The following VTCN1 variants were observed in gnomAD, a reference collection of about 807,000 sequenced individuals.
The protein encoded by VTCN1 is V-set domain-containing T-cell activation inhibitor 1.
In VTCN1, 26 loss-of-function variants were observed where a neutral mutation model predicts 26.5. The ratio of observed to expected loss-of-function variants is 0.98; its 90% CI spans 0.72 to 1.36. The LOEUF is 1.36. Ranked by LOEUF, VTCN1 falls within the 40% of genes most tolerant of loss-of-function variation. The pLI is 0.00. For missense variants in VTCN1, 298 were observed against 337.7 expected, an observed-to-expected ratio of 0.88 and a Z score of 0.92; for synonymous variants, 116 against 130.7, an observed-to-expected ratio of 0.89 and a Z score of 0.77.
intron 1 of VTCN1, among the ~76,000 whole-genome samples, chr1:117,171,214 T>C (rs1399744247): frequency 6.6e-6 from 1 of 152,242 alleles, no homozygotes; most frequent in Non-Finnish European, 1.5e-5. Context: ...TAGTATTCTA[T>C]GGTGTATACG....
At position 117,167,722 on chromosome 1, in the gene VTCN1, A is replaced by G. The variant is rs1187199541; in HGVS notation, c.97+2385T>C. Among the ~76,000 whole-genome samples the G allele has an allele frequency of 6.6e-6, 1 of 152,138 alleles. No homozygotes were observed. The highest frequency in any genetic ancestry group is 1.5e-5 in the Non-Finnish European group (1 of 68,014). ...CTCCTTGTGAGCTGCTTTTTTAAGC[A>G]CTCACACTCCTTGTGAGCTGCTTTA... On this transcript the variant is annotated intron_variant, in intron 2 of 5. Transcript: ENST00000369458. The surrounding 1 kb of genome is among the most constrained non-coding windows in gnomAD (Gnocchi z 4.1).
chr1:117,195,262 A>AAATAATAATAATAAT (rs61710825), intron 1 of VTCN1, among the ~76,000 whole-genome samples: 5 of 142,496 alleles, frequency 3.5e-5, no homozygotes, highest in Middle Eastern at 3.8e-3. Flanking sequence ...CTCCGTCTCA[A>AAATAATAATAATAAT]AATAATAATA....
rs1222895234 is a variant in VTCN1 at position 117,145,124 on chromosome 1, C to T, written c.*147G>A. 1 of 151,902 alleles carries T rather than the reference C, an allele frequency of 6.6e-6. No individual in the cohort carries two copies. Among genetic ancestry groups the T allele is most frequent in the Non-Finnish European group, 1.5e-5 (1 of 68,000 alleles). 9.4% of individuals were successfully genotyped at this position (151,902 alleles called of 1,614,324 possible). A position where few individuals can be genotyped will look rare whatever the true frequency, so the allele number is the denominator to read the frequency against. ...TTCTGCTTTTGGCTTCTTTTTGTTT[C>T]TTGCTCTTGTTTGCTCACTCCAGAC... On this transcript the variant is annotated 3_prime_UTR_variant, in exon 6 of 6. Transcript: ENST00000369458. This position sits in a 1 kb window ranked among gnomAD's most constrained non-coding sequence, Gnocchi z 4.6.
At chr1:117,168,473 G>C (rs986413268) in intron 2 of VTCN1, among the ~76,000 whole-genome samples, 1 of 152,156 alleles carries the variant, frequency 6.6e-6, no homozygotes, top group Admixed American at 6.5e-5. Flanking sequence ...AGATAATCTA[G>C]AAGAACATCT....
intron 3 of VTCN1, among the ~76,000 whole-genome samples, chr1:117,156,188 C>T (rs1252606471): frequency 6.6e-6 from 1 of 152,198 alleles, no homozygotes; most frequent in Non-Finnish European, 1.5e-5. Context: ...CTAAAATGCA[C>T]TCACTGTCAT....
Position 117,167,375 on chromosome 1 carries a change from G to A in VTCN1, c.97+2732C>T, listed in dbSNP as rs1056191661. Among the ~76,000 whole-genome samples, 3 of 152,086 alleles carry A rather than the reference G, an allele frequency of 2.0e-5. No individual in the cohort carries two copies. Among genetic ancestry groups the A allele is most frequent in the Non-Finnish European group, 4.4e-5 (3 of 68,014 alleles). ...TGCTACCTGCTTACTTGTCCCCAAA[G>A]GTAATAAGAACCATTATTCTACCTT... On this transcript the variant is annotated intron_variant, in intron 2 of 5. Coordinates refer to ENST00000369458, the MANE Select transcript of VTCN1 (RefSeq NM_024626.4). The surrounding 1 kb of genome is among the most constrained non-coding windows in gnomAD (Gnocchi z 4.1).
chr1:117,176,221 CT>C (rs1647346358), intron 1 of VTCN1, among the ~76,000 whole-genome samples: 1 of 152,186 alleles, frequency 6.6e-6, no homozygotes, highest in Admixed American at 6.5e-5. Flanking sequence ...CTCTCATTAC[CT>C]TTTTACATGT....
chr1:117,200,753 C>T (rs1451879565), intron 1 of VTCN1, among the ~76,000 whole-genome samples: 1 of 152,108 alleles, frequency 6.6e-6, no homozygotes, highest in Non-Finnish European at 1.5e-5. Flanking sequence ...TGTTGGATTC[C>T]AGTGTTTTAG....
intron 1 of VTCN1, among the ~76,000 whole-genome samples, chr1:117,199,561 A>G (rs1648689234): frequency 6.6e-6 from 1 of 151,010 alleles, no homozygotes; most frequent in African/African-American, 2.4e-5. Context: ...CCTGACCTCA[A>G]GCGATCCACC....
Position 117,151,378 on chromosome 1 carries a change from A to G in VTCN1, c.724+1713T>C, listed in dbSNP as rs572210016. ...TCGCAGTGAGAGTCACAGCTCTTAAAGCTAGTGTGGACCCAAAGAGTGAGC... is the reference window on the plus strand; with the variant it reads ...TCGCAGTGAGAGTCACAGCTCTTAAGGCTAGTGTGGACCCAAAGAGTGAGC... On this transcript the variant is annotated intron_variant, in intron 4 of 5. Transcript: ENST00000369458. 1.2e-4 allele frequency among the ~76,000 whole-genome samples: 18 copies of G among 152,278 alleles called. No individual in the cohort carries two copies. The East Asian group carries it at 3.5e-3, about 29-fold the overall frequency.
intron 1 of VTCN1, among the ~76,000 whole-genome samples, chr1:117,187,460 C>G (rs1010925763): frequency 3.9e-5 from 6 of 152,064 alleles, no homozygotes; most frequent in Admixed American, 3.9e-4. Context: ...CAATGACATA[C>G]AGGATCCTGT....
At chr1:117,160,714 G>A (rs1167548944) in intron 2 of VTCN1, among the ~76,000 whole-genome samples, 1 of 152,216 alleles carries the variant, frequency 6.6e-6, no homozygotes, top group Non-Finnish European at 1.5e-5. Context: ...AAACAAAGCA[G>A]ACGTGTTTGT....
chr1:117,196,127 A>C (rs1648495621), intron 1 of VTCN1, among the ~76,000 whole-genome samples: 1 of 152,156 alleles, frequency 6.6e-6, no homozygotes, highest in South Asian at 2.1e-4. Flanking sequence ...ACTCCAGGTG[A>C]GGCAACAAAG....
chr1:117,199,426 A>T (rs1441566839), intron 1 of VTCN1, among the ~76,000 whole-genome samples: 2 of 152,146 alleles, frequency 1.3e-5, no homozygotes, highest in African/African-American at 4.8e-5. Flanking sequence ...CACAGGCTCA[A>T]GCAATTCTCC....
At chr1:117,166,321 C>T (rs1053967501) in intron 2 of VTCN1, among the ~76,000 whole-genome samples, 1 of 152,202 alleles carries the variant, frequency 6.6e-6, no homozygotes, top group African/African-American at 2.4e-5. Context: ...AAACAACTCT[C>T]TTAAGAGTTC....
chr1:117,169,096 A>T lies in VTCN1; in HGVS notation c.97+1011T>A, dbSNP rs1212216276. ...AGCTTTGGTCACAGACTGAGTTAAA[A>T]TGAATGTGTTGGACTGAGTCAGGTG... On this transcript the variant is annotated intron_variant, in intron 2 of 5. Transcript: ENST00000369458. This position sits in a 1 kb window ranked among gnomAD's most constrained non-coding sequence, Gnocchi z 4.0. 6.6e-6 allele frequency among the ~76,000 whole-genome samples: 1 copy of T among 152,254 alleles called. No individual in the cohort carries two copies. Among genetic ancestry groups the T allele is most frequent in the Non-Finnish European group, 1.5e-5 (1 of 68,040 alleles).
At chr1:117,168,794 T>A (rs965890077) in intron 2 of VTCN1, among the ~76,000 whole-genome samples, 27 of 152,208 alleles carry the variant, frequency 1.8e-4, no homozygotes, top group Admixed American at 4.6e-4. Context: ...CAGGGTCTCT[T>A]TTTGTTGCCC....
rs1651430034 is a variant in VTCN1, at chr1:117,144,848, C to T, written c.*423G>A. 1 of 152,592 alleles carries T rather than the reference C, an allele frequency of 6.6e-6. No individual in the cohort carries two copies. Among genetic ancestry groups the T allele is most frequent in the Admixed American group, 6.5e-5 (1 of 15,272 alleles). The allele number at this position is 152,592 out of a possible 1,614,324, so 9.5% of individuals were successfully genotyped here. A position where few individuals can be genotyped will look rare whatever the true frequency, so the allele number is the denominator to read the frequency against. ...TAAGATGTGGATATGTTGGGATAGACTTTCCAGGGGCTTCCTCAGAGCAAC... is the reference window on the plus strand; with the variant it reads ...TAAGATGTGGATATGTTGGGATAGATTTTCCAGGGGCTTCCTCAGAGCAAC... On this transcript the variant is annotated 3_prime_UTR_variant, in exon 6 of 6. Transcript: ENST00000369458.
chr1:117,173,492 C>A (rs76497233), intron 1 of VTCN1, among the ~76,000 whole-genome samples: 5,865 of 152,284 alleles, frequency 0.039, 164 homozygotes, highest in South Asian at 0.083. Flanking sequence ...GATTCTCTTT[C>A]ACTGCTCTCA....
Sources: allele counts gnomAD v4.1 joint callset (sites outside exome capture counted in the v4.1 genomes callset), GRCh38; gene constraint gnomAD v4.1.1; non-coding constraint Gnocchi (gnomAD v3.1); transcripts MANE v1.5; gene names NCBI Gene and HGNC (gene_info 2026-07-23, HGNC 2026-07-21).